CLEC16A: variants seen among roughly 807,000 people sequenced by gnomAD.
The protein encoded by CLEC16A is C-type lectin domain containing 16A.
CLEC16A carries 51 observed loss-of-function variants against 109.5 expected under a neutral mutation model. That is an observed-to-expected ratio of 0.47 (90% confidence interval 0.37 to 0.59). The LOEUF (loss-of-function observed/expected upper bound fraction) is 0.59. CLEC16A is among the 20% of genes least tolerant of loss of function. CLEC16A has a pLI of 0.00. For synonymous variants in CLEC16A, 673 were observed against 564.2 expected (o/e 1.19, Z -2.73); for missense variants, 1,339 against 1,394.0 (o/e 0.96, Z 0.63).
At chr16:11,111,982 A>G (rs1346375140) in intron 19 of CLEC16A, among the ~76,000 whole-genome samples, 1 of 152,252 alleles carries the variant, frequency 6.6e-6, no homozygotes. Context: ...TTGTAGCAAA[A>G]GCTTCTAAAC....
chr16:11,156,917 G>GCCC (rs60216625), intron 22 of CLEC16A, among the ~76,000 whole-genome samples: 3 of 77,306 alleles, frequency 3.9e-5, no homozygotes, highest in African/African-American at 1.4e-4. Flanking sequence ...CCAAATGCCC[G>GCCC]CCCCCCCCCC....
At chr16:10,949,914 T>C (rs1036676986) in intron 1 of CLEC16A, among the ~76,000 whole-genome samples, 3 of 152,192 alleles carry the variant, frequency 2.0e-5, no homozygotes, top group Admixed American at 1.3e-4. Context: ...GGTCCCCTGC[T>C]CTTTTCCTCC....
intron 18 of CLEC16A, among the ~76,000 whole-genome samples, chr16:11,058,162 A>G (rs1164564026): frequency 1.3e-5 from 2 of 152,198 alleles, no homozygotes; most frequent in African/African-American, 4.8e-5. Flanking sequence ...GCCCTGTGGG[A>G]ATCGGCCCGC....
intron 19 of CLEC16A, among the ~76,000 whole-genome samples, chr16:11,096,684 G>C (rs2050626453): frequency 6.6e-6 from 1 of 152,170 alleles, no homozygotes. Context: ...CAGGCCTTAT[G>C]GGGGTGCCTT....
intron 19 of CLEC16A, among the ~76,000 whole-genome samples, chr16:11,076,007 A>G (rs561753861): frequency 1.3e-5 from 2 of 152,294 alleles, no homozygotes; most frequent in African/African-American, 4.8e-5. Context: ...AAATCCTGCC[A>G]GCTTAAGCAT....
intron 19 of CLEC16A, among the ~76,000 whole-genome samples, chr16:11,115,136 T>C (rs1020548734): frequency 6.6e-6 from 1 of 152,194 alleles, no homozygotes; most frequent in African/African-American, 2.4e-5. Context: ...CAAACCCCAT[T>C]GACACTGACG....
intron 13 of CLEC16A, among the ~76,000 whole-genome samples, chr16:11,030,854 A>G (rs1478622229): frequency 6.6e-6 from 1 of 152,216 alleles, no homozygotes; most frequent in Non-Finnish European, 1.5e-5. Flanking sequence ...CCTGTTGGCC[A>G]GGCTGGTCTC....
chr16:11,104,464 C>T (rs951902584), intron 19 of CLEC16A, among the ~76,000 whole-genome samples: 41 of 152,118 alleles, frequency 2.7e-4, no homozygotes, highest in African/African-American at 9.2e-4. Context: ...AGACTATGTC[C>T]TCTGCCTGGG....
intron 19 of CLEC16A, among the ~76,000 whole-genome samples, chr16:11,077,909 A>G (rs1053184925): frequency 1.3e-4 from 19 of 151,534 alleles, no homozygotes; most frequent in East Asian, 1.2e-3. Flanking sequence ...ACTTGAGGCT[A>G]GGAGTTATGA....
intron 19 of CLEC16A, among the ~76,000 whole-genome samples, chr16:11,115,251 G>A (rs2051897782): frequency 6.6e-6 from 1 of 152,072 alleles, no homozygotes; most frequent in South Asian, 2.1e-4. Context: ...TGAGGAAAGG[G>A]AAAGGAGAGG....
intron 12 of CLEC16A, 32 bp from the exon 13 acceptor site, chr16:11,024,789 T>C: frequency 6.6e-7 from 1 of 1,511,378 alleles, no homozygotes. Context: ...TTGTGCACCG[T>C]GAGGCTCATA....
intron 1 of CLEC16A, among the ~76,000 whole-genome samples, chr16:10,955,759 C>T (rs963909309): frequency 6.6e-6 from 1 of 152,148 alleles, no homozygotes; most frequent in African/African-American, 2.4e-5. Context: ...AGAATCTGCC[C>T]TTCTCCCATA....
chr16:11,135,909 C>G (rs1392770013), intron 22 of CLEC16A, among the ~76,000 whole-genome samples: 1 of 152,260 alleles, frequency 6.6e-6, no homozygotes, highest in African/African-American at 2.4e-5. Context: ...CCTCCAGCCT[C>G]CTAGTCAAGC....
At chr16:11,150,529 C>T (rs1480213396) in intron 22 of CLEC16A, among the ~76,000 whole-genome samples, 2 of 152,192 alleles carry the variant, frequency 1.3e-5, no homozygotes, top group Non-Finnish European at 2.9e-5. Context: ...TCTGTGTGCA[C>T]GTGCAGTACA....
chr16:11,080,857 C>T (rs2049669525), intron 19 of CLEC16A, among the ~76,000 whole-genome samples: 1 of 152,180 alleles, frequency 6.6e-6, no homozygotes, highest in Admixed American at 6.5e-5. Context: ...CCAGGTAATC[C>T]AAGATAAGCT....
At chr16:11,152,014 T>C (rs886906634) in intron 22 of CLEC16A, among the ~76,000 whole-genome samples, 1 of 152,140 alleles carries the variant, frequency 6.6e-6, no homozygotes, top group East Asian at 1.9e-4. Context: ...GTGTGTGTGA[T>C]GAGCAAAAGG....
intron 19 of CLEC16A, among the ~76,000 whole-genome samples, chr16:11,082,800 G>A (rs928556153): frequency 1.5e-4 from 23 of 152,180 alleles, no homozygotes; most frequent in Non-Finnish European, 8.8e-5. Flanking sequence ...TTCCATATTT[G>A]GCAAATCTGT....
intron 14 of CLEC16A, 134 bp downstream of exon 14, chr16:11,040,010 T>C: frequency 9.0e-7 from 1 of 1,109,504 alleles, no homozygotes; most frequent in Non-Finnish European, 1.2e-6. Flanking sequence ...TCCCTCTGCC[T>C]CTCAACCCCT....
intron 7 of CLEC16A, among the ~76,000 whole-genome samples, chr16:10,976,707 C>CG (rs2043047737): frequency 6.6e-6 from 1 of 152,222 alleles, no homozygotes; most frequent in Admixed American, 6.5e-5. Context: ...CCCTGGCCCC[C>CG]CATCCCCAGC....
Sources: gnomAD v4.1 joint callset for allele counts (sites outside exome capture counted in the v4.1 genomes callset) on GRCh38, gnomAD v4.1.1 for gene constraint, MANE v1.5 for transcripts, NCBI Gene and HGNC (gene_info 2026-07-23, HGNC 2026-07-21) for gene names.